Variants in ILKAP observed in about 807,000 individuals in gnomAD.
ILKAP encodes integrin-linked kinase-associated serine/threonine phosphatase 2C.
Under a neutral mutation model 49.1 loss-of-function variants are expected in ILKAP, and 11 were observed. The ratio of observed to expected loss-of-function variants is 0.22; its 90% CI spans 0.14 to 0.37. The LOEUF is 0.37. Ranked by LOEUF, ILKAP falls within the 10% of genes least tolerant of loss-of-function variation. The pLI is 1.00. For missense variants in ILKAP, 363 were observed against 510.8 expected, an observed-to-expected ratio of 0.71 and a Z score of 2.79; for synonymous variants, 186 against 192.8, an observed-to-expected ratio of 0.96 and a Z score of 0.29.
intron 11 of ILKAP, 48 bp downstream of exon 11, chr2:238,170,895 A>ACC: frequency 5.8e-6 from 9 of 1,557,164 alleles, no homozygotes; most frequent in Non-Finnish European, 8.0e-6. Context: ...TTCTCTGAAA[A>ACC]CTAAGACACA....
At chr2:238,202,048 A>T (rs919129764) in intron 1 of ILKAP, among the ~76,000 whole-genome samples, 10 of 152,100 alleles carry the variant, frequency 6.6e-5, no homozygotes, top group Non-Finnish European at 1.5e-5. Context: ...AACATGGTGA[A>T]ACCCCGTCTC....
chr2:238,192,179 C>A (rs1377840071), intron 3 of ILKAP, among the ~76,000 whole-genome samples: 1 of 147,980 alleles, frequency 6.8e-6, no homozygotes, highest in African/African-American at 2.5e-5. Context: ...TGCACTCCAG[C>A]CTGCCAACAG....
At chr2:238,183,615 G>A (rs772730788) in intron 8 of ILKAP, 38 bp downstream of exon 8, 19 of 1,399,506 alleles carry the variant, frequency 1.4e-5, no homozygotes, top group African/African-American at 1.1e-4. Flanking sequence ...CCCATAAAAC[G>A]TATTGTCATC....
chr2:238,185,119 A>T, intron 6 of ILKAP, 62 bp downstream of exon 6: 1 of 1,039,964 alleles, frequency 9.6e-7, no homozygotes, highest in Non-Finnish European at 1.5e-6. Flanking sequence ...TGACTGCTTC[A>T]CACAGCCAAC....
At chr2:238,201,621 A>C (rs1169671587) in intron 1 of ILKAP, among the ~76,000 whole-genome samples, 1 of 152,216 alleles carries the variant, frequency 6.6e-6, no homozygotes, top group African/African-American at 2.4e-5. Flanking sequence ...CTAAGGTGCC[A>C]ACCTATGAGA....
intron 11 of ILKAP, 54 bp downstream of exon 11, chr2:238,170,888 TC>T: frequency 5.8e-6 from 9 of 1,542,784 alleles, no homozygotes; most frequent in Non-Finnish European, 8.1e-6. Flanking sequence ...CTTCTACTTC[TC>T]TGAAAACTAA....
chr2:238,175,221 C>T (rs1264114377), intron 9 of ILKAP, among the ~76,000 whole-genome samples: 1 of 151,796 alleles, frequency 6.6e-6, no homozygotes, highest in Non-Finnish European at 1.5e-5. Context: ...ACCTCAGCCT[C>T]CTGAGTAGCT....
chr2:238,200,022 G>C (rs1211139631), intron 1 of ILKAP, among the ~76,000 whole-genome samples: 3 of 152,134 alleles, frequency 2.0e-5, no homozygotes, highest in Non-Finnish European at 4.4e-5. Flanking sequence ...AACCAAATAA[G>C]TAAAAGAACC....
At chr2:238,175,962 T>A (rs59352336) in intron 9 of ILKAP, among the ~76,000 whole-genome samples, 1 of 151,990 alleles carries the variant, frequency 6.6e-6, no homozygotes, top group Non-Finnish European at 1.5e-5. Flanking sequence ...TCCACATCCA[T>A]TTCTTAGAAA....
In ILKAP at chr2:238,203,659, G is replaced by A. The variant is rs1694675988; in HGVS notation, c.-106C>T. 1.7e-6 allele frequency: 1 copy of A among 578,296 alleles called. No homozygotes were observed. The highest frequency in any genetic ancestry group is 2.0e-5 in the African/African-American group (1 of 49,566). 35.8% of individuals were successfully genotyped at this position (578,296 alleles called of 1,614,324 possible). A position where few individuals can be genotyped will look rare whatever the true frequency, so the allele number is the denominator to read the frequency against. Reference sequence around the variant, plus strand: ...GGCAGCAGCGGGCGGGCGACGGGCAGGGGCGGCCGGCGCCGTCAGTCACCT... The same window carrying A: ...GGCAGCAGCGGGCGGGCGACGGGCAAGGGCGGCCGGCGCCGTCAGTCACCT... On this transcript the variant is annotated 5_prime_UTR_variant, in exon 1 of 12. Coordinates refer to ENST00000254654, the MANE Select transcript of ILKAP (RefSeq NM_030768.3).
rs1396344127 is a variant in ILKAP, at chr2:238,186,038, GTTTTAAACATTAACAA to G, written c.426-767_426-752del. ...TCCGTTCCTATTTAAATCGGATTTG[GTTTTAAACATTAACAA>G]ACAGATCAAGTTATTTATCGAAAAC... On this transcript the variant is annotated intron_variant, in intron 5 of 11. Coordinates refer to ENST00000254654, the MANE Select transcript of ILKAP (RefSeq NM_030768.3). 3 of 152,232 alleles carry G rather than the reference GTTTTAAACATTAACAA, an allele frequency of 2.0e-5. No individual in the cohort carries two copies. The East Asian group carries it at 5.8e-4, about 29-fold the overall frequency. 9.4% of individuals were successfully genotyped at this position (152,232 alleles called of 1,614,324 possible).
intron 6 of ILKAP, 76 bp from the exon 7 acceptor site, chr2:238,184,189 G>GT: frequency 1.1e-6 from 1 of 884,688 alleles, no homozygotes; most frequent in South Asian, 1.4e-5. Flanking sequence ...ATTTTGGTTT[G>GT]TTTTTTGTTT....
chr2:238,181,747 C>T (rs965330176), intron 9 of ILKAP, among the ~76,000 whole-genome samples: 3 of 151,944 alleles, frequency 2.0e-5, no homozygotes, highest in Non-Finnish European at 2.9e-5. Flanking sequence ...CTCAGCCTCC[C>T]GAGTAGCTGG....
chr2:238,170,725 T>C, intron 11 of ILKAP, 49 bp from the exon 12 acceptor site: 3 of 1,601,278 alleles, frequency 1.9e-6, no homozygotes, highest in Non-Finnish European at 2.6e-6. Flanking sequence ...CCGCACCCTG[T>C]CACTTTCCTG....
chr2:238,182,283 A>C, intron 8 of ILKAP, 97 bp from the exon 9 acceptor site: 1 of 1,407,850 alleles, frequency 7.1e-7, no homozygotes, highest in Non-Finnish European at 9.8e-7. Flanking sequence ...GTTTGAAGAA[A>C]ACAGTTAACA....
At chr2:238,191,630 AGGTG>A (rs1368472546) in intron 3 of ILKAP, among the ~76,000 whole-genome samples, 2 of 152,216 alleles carry the variant, frequency 1.3e-5, no homozygotes, top group Non-Finnish European at 1.5e-5. Context: ...ACAGATGGCC[AGGTG>A]TGGTGGTTCA....
chr2:238,194,530 T>C, intron 2 of ILKAP, 199 bp from the exon 3 acceptor site: 1 of 614,470 alleles, frequency 1.6e-6, no homozygotes, highest in South Asian at 2.2e-5. Flanking sequence ...AATAAAAATC[T>C]GCCTTAAAAA....
At chr2:238,183,579 CA>C (rs1201999296) in intron 8 of ILKAP, 73 bp downstream of exon 8, 1 of 1,053,256 alleles carries the variant, frequency 9.5e-7, no homozygotes, top group Admixed American at 2.1e-5. Context: ...TAATCTTATT[CA>C]ACAAGTACGT....
chr2:238,195,152 A>G (rs1346003168), intron 1 of ILKAP, among the ~76,000 whole-genome samples: 1 of 152,168 alleles, frequency 6.6e-6, no homozygotes, highest in Non-Finnish European at 1.5e-5. Flanking sequence ...TATTTTCTTG[A>G]TAATTTCATT....
Sources: gnomAD v4.1 joint callset for allele counts (sites outside exome capture counted in the v4.1 genomes callset) on GRCh38, gnomAD v4.1.1 for gene constraint, MANE v1.5 for transcripts, NCBI Gene and HGNC (gene_info 2026-07-23, HGNC 2026-07-21) for gene names.